The following TOM1L2 variants were observed in gnomAD, a reference collection of about 807,000 sequenced individuals.
TOM1L2 encodes target of myb1 like 2 membrane trafficking protein, also known as TOM1-like protein 2.
TOM1L2 carries 31 observed loss-of-function variants against 67.9 expected under a neutral mutation model. The ratio of observed to expected loss-of-function variants is 0.46; its 90% CI spans 0.34 to 0.62. TOM1L2 has a LOEUF of 0.62. TOM1L2 is among the 20% of genes least tolerant of loss of function. The pLI is 0.01. For missense variants in TOM1L2, 606 were observed against 663.5 expected (o/e 0.91, Z 0.95); for synonymous variants, 256 against 254.0 (o/e 1.01, Z -0.07).
chr17:17,880,357 A>G (rs2037657701), intron 6 of TOM1L2, among the ~76,000 whole-genome samples: 1 of 152,284 alleles, frequency 6.6e-6, no homozygotes, highest in East Asian at 1.9e-4. Context: ...CCCTTGAAAA[A>G]TACCCAAGTT....
chr17:17,849,465 C>T (rs1449378980), intron 13 of TOM1L2, among the ~76,000 whole-genome samples: 1 of 152,276 alleles, frequency 6.6e-6, no homozygotes, highest in Non-Finnish European at 1.5e-5. Flanking sequence ...GGAGCTGCAC[C>T]AGCCTCCTCC....
intron 1 of TOM1L2, among the ~76,000 whole-genome samples, chr17:17,937,256 T>C (rs931694216): frequency 6.6e-6 from 1 of 152,196 alleles, no homozygotes; most frequent in Non-Finnish European, 1.5e-5. Flanking sequence ...AATTCCCTCC[T>C]CCGGTTTTGT....
At chr17:17,865,901 G>A (rs915479540) in intron 10 of TOM1L2, among the ~76,000 whole-genome samples, 4 of 150,926 alleles carry the variant, frequency 2.7e-5, no homozygotes, top group African/African-American at 9.7e-5. Context: ...CCCACCATGC[G>A]CAGCTAATTT....
At chr17:17,875,739 T>C (rs1175779869) in intron 7 of TOM1L2, among the ~76,000 whole-genome samples, 1 of 152,260 alleles carries the variant, frequency 6.6e-6, no homozygotes, top group East Asian at 1.9e-4. Flanking sequence ...CAACAGTCTT[T>C]TAATCATCTT....
rs1321537263 is a variant in TOM1L2, at chr17:17,912,309, C to T, written c.53-4778G>A. 5.4e-5 allele frequency among the ~76,000 whole-genome samples: 8 copies of T among 149,520 alleles called. No homozygotes were observed. The East Asian group carries it at 8.3e-4, about 16-fold the overall frequency. On this transcript the variant is annotated intron_variant, in intron 1 of 14. Coordinates refer to ENST00000379504, the MANE Select transcript of TOM1L2 (RefSeq NM_001082968.2). ...CTGACCCCCCCACCTCCCTCCCGGA[C>T]GGGGTGGCTGCCGGGCGGAGACGCT...
At chr17:17,962,861 T>C (rs1337823800) in intron 1 of TOM1L2, among the ~76,000 whole-genome samples, 2 of 151,524 alleles carry the variant, frequency 1.3e-5, no homozygotes, top group South Asian at 4.2e-4. Flanking sequence ...CTTGGGAGGC[T>C]GAGGCAGGAG....
intron 1 of TOM1L2, among the ~76,000 whole-genome samples, chr17:17,914,162 G>T (rs929007897): frequency 6.6e-6 from 1 of 152,198 alleles, no homozygotes; most frequent in Non-Finnish European, 1.5e-5. Context: ...GACAGAGGAG[G>T]GGTGTTCAGA....
chr17:17,853,371 C>T (rs2036094706), intron 12 of TOM1L2, among the ~76,000 whole-genome samples: 1 of 152,194 alleles, frequency 6.6e-6, no homozygotes, highest in African/African-American at 2.4e-5. Flanking sequence ...ACAACAAAGA[C>T]ATTAAGGGGT....
chr17:17,928,672 G>A (rs2040198419), intron 1 of TOM1L2, among the ~76,000 whole-genome samples: 1 of 152,142 alleles, frequency 6.6e-6, no homozygotes, highest in Non-Finnish European at 1.5e-5. Context: ...CCTATTGCTT[G>A]TCTAATGGTT....
intron 12 of TOM1L2, among the ~76,000 whole-genome samples, chr17:17,856,715 T>C (rs998230685): frequency 6.6e-6 from 1 of 152,212 alleles, no homozygotes; most frequent in African/African-American, 2.4e-5. Flanking sequence ...CAGCTCAGGC[T>C]CCATCACATG....
intron 2 of TOM1L2, among the ~76,000 whole-genome samples, chr17:17,903,234 G>A (rs2038935392): frequency 6.6e-6 from 1 of 151,522 alleles, no homozygotes; most frequent in African/African-American, 2.4e-5. Context: ...TCATCAGACT[G>A]TGAGTACCTT....
rs531375655 is a variant in TOM1L2 at position 17,898,018 on chromosome 17, C to T, written c.216+578G>A. Among the ~76,000 whole-genome samples the T allele has an allele frequency of 2.1e-3, 322 of 151,806 alleles. 3 individuals are homozygous for T. Among genetic ancestry groups the T allele is most frequent in the Admixed American group, 3.9e-3 (59 of 15,246 alleles). On this transcript the variant is annotated intron_variant, in intron 3 of 14. Transcript: ENST00000379504. ...TCAGCTCACGGCAACCTCCACCTCC[C>T]GGGTTCAAGCAATTCTCCTGCCTCA...
chr17:17,969,790 C>A (rs1160015999), intron 1 of TOM1L2, among the ~76,000 whole-genome samples: 1 of 152,088 alleles, frequency 6.6e-6, no homozygotes, highest in Admixed American at 6.6e-5. Flanking sequence ...CTACTATGTT[C>A]CAGATACTAT....
chr17:17,907,590 G>T, intron 1 of TOM1L2, 59 bp from the exon 2 acceptor site: 2 of 1,507,808 alleles, frequency 1.3e-6, no homozygotes, highest in Non-Finnish European at 1.8e-6. Context: ...GGCCTTGGCA[G>T]GAAATGGGAA....
chr17:17,929,577 G>C (rs1052560033), intron 1 of TOM1L2, among the ~76,000 whole-genome samples: 59 of 152,106 alleles, frequency 3.9e-4, no homozygotes, highest in African/African-American at 1.4e-3. Flanking sequence ...GTTGTGGTGA[G>C]CCGAGATCGC....
At chr17:17,942,804 C>T (rs1221965841) in intron 1 of TOM1L2, among the ~76,000 whole-genome samples, 1 of 152,140 alleles carries the variant, frequency 6.6e-6, no homozygotes, top group Middle Eastern at 3.2e-3. Flanking sequence ...GTCAGAATTC[C>T]AGGAAAGGCT....
intron 1 of TOM1L2, among the ~76,000 whole-genome samples, chr17:17,953,301 G>A (rs977976527): frequency 6.6e-6 from 1 of 151,956 alleles, no homozygotes; most frequent in Non-Finnish European, 1.5e-5. Context: ...AATAAATAAA[G>A]GTAAATGTTA....
intron 3 of TOM1L2, among the ~76,000 whole-genome samples, chr17:17,894,424 G>A (rs1598283843): frequency 6.6e-6 from 1 of 152,170 alleles, no homozygotes; most frequent in Non-Finnish European, 1.5e-5. Context: ...CTCCTCCCTT[G>A]TCTGGGAAAA....
intron 1 of TOM1L2, among the ~76,000 whole-genome samples, chr17:17,915,813 T>G (rs1415421266): frequency 6.6e-6 from 1 of 151,420 alleles, no homozygotes; most frequent in Non-Finnish European, 1.5e-5. Flanking sequence ...TGAGCCACAA[T>G]GCTTGGCTCC....
Sources: gnomAD v4.1 joint callset for allele counts (sites outside exome capture counted in the v4.1 genomes callset) on GRCh38, gnomAD v4.1.1 for gene constraint, MANE v1.5 for transcripts, NCBI Gene and HGNC (gene_info 2026-07-23, HGNC 2026-07-21) for gene names.